LRP2: variants seen among roughly 807,000 people sequenced by gnomAD.
The protein encoded by LRP2 is LDL receptor related protein 2.
Under a neutral mutation model 531.0 loss-of-function variants are expected in LRP2, and 172 were observed. The ratio of observed to expected loss-of-function variants is 0.32; its 90% CI spans 0.29 to 0.37. LRP2 has a LOEUF of 0.37. LRP2 is among the 10% of genes least tolerant of loss of function. The pLI is 1.00. For missense variants in LRP2, 5,167 were observed against 5,868.3 expected (o/e 0.88, Z 3.90); for synonymous variants, 1,992 against 2,027.6 (o/e 0.98, Z 0.47).
intron 1 of LRP2, among the ~76,000 whole-genome samples, chr2:169,339,499 G>C (rs1464124661): frequency 1.3e-5 from 2 of 152,080 alleles, no homozygotes; most frequent in Non-Finnish European, 2.9e-5. Flanking sequence ...TTCTCTGGTT[G>C]ATACTAGCTG....
intron 47 of LRP2, among the ~76,000 whole-genome samples, chr2:169,193,428 C>CAAAAAAAAAAAAAAAAAAAAAA (rs1166288828): frequency 1.6e-5 from 1 of 62,292 alleles, no homozygotes; most frequent in African/African-American, 5.0e-5. Context: ...AAGACCTTGT[C>CAAAAAAAAAAAAAAAAAAAAAA]AAAAAAAAAA....
intron 34 of LRP2, among the ~76,000 whole-genome samples, chr2:169,219,313 A>G (rs1321266546): frequency 6.6e-6 from 1 of 152,190 alleles, no homozygotes; most frequent in Non-Finnish European, 1.5e-5. Context: ...CATTAAGCCA[A>G]AATCCACTTG....
chr2:169,170,757 C>T, intron 58 of LRP2, 90 bp from the exon 59 acceptor site: 2 of 890,028 alleles, frequency 2.2e-6, no homozygotes, highest in Non-Finnish European at 1.9e-6. Context: ...CCTGGGTGCC[C>T]AGCACCCTCC....
chr2:169,180,431 T>C (rs2105292683), intron 52 of LRP2, among the ~76,000 whole-genome samples: 1 of 152,374 alleles, frequency 6.6e-6, no homozygotes, highest in South Asian at 2.1e-4. Flanking sequence ...CGGTAAATTC[T>C]GCAATGAGAA....
At chr2:169,348,507 C>A (rs911519416) in intron 1 of LRP2, among the ~76,000 whole-genome samples, 1 of 152,218 alleles carries the variant, frequency 6.6e-6, no homozygotes, top group Non-Finnish European at 1.5e-5. Context: ...CCACTCCCCT[C>A]TTCAAAGAGG....
At chr2:169,262,041 A>C (rs1300744596) in intron 16 of LRP2, among the ~76,000 whole-genome samples, 1 of 152,070 alleles carries the variant, frequency 6.6e-6, no homozygotes, top group South Asian at 2.1e-4. Flanking sequence ...ACAAAAGTCA[A>C]CAACCCTTCA....
intron 16 of LRP2, among the ~76,000 whole-genome samples, chr2:169,259,848 A>G (rs1466510298): frequency 2.0e-5 from 3 of 152,052 alleles, no homozygotes; most frequent in African/African-American, 4.8e-5. Flanking sequence ...ATAAACAGCC[A>G]TACCTCTTTC....
intron 9 of LRP2, among the ~76,000 whole-genome samples, chr2:169,288,571 CT>C (rs5836228): frequency 0.44 from 66,699 of 151,878 alleles, 15,113 homozygotes; most frequent in African/African-American, 0.53. Context: ...CAGGTAACAA[CT>C]CTTTAGTTGT....
intron 34 of LRP2, among the ~76,000 whole-genome samples, chr2:169,220,044 G>A (rs1300873912): frequency 1.3e-5 from 2 of 152,106 alleles, no homozygotes; most frequent in Non-Finnish European, 2.9e-5. Flanking sequence ...GGCCTCAAGA[G>A]TCACTGCCTG....
chr2:169,154,603 C>T lies in LRP2; in HGVS notation c.12152G>A (p.Gly4051Asp). ...DRPGKRCAAE[G>D]SSPLLLLPDN... ...AGGCAGTAGCAACAAAGGAGAGCTA[C>T]CTGTAAACAAACAAAGGGCTACTTT... Residue 4051 changes from glycine to aspartate, a missense_variant and splice_region_variant, in exon 66 of 79, where the codon GGT (glycine) becomes GAT (aspartate). Gly to Asp is a moderately conservative substitution (Grantham distance 94, BLOSUM62 -1). Coordinates refer to ENST00000649046, the MANE Select transcript of LRP2 (RefSeq NM_004525.3). 6.2e-7 allele frequency: 1 copy of T among 1,613,356 alleles called. No homozygotes were observed. The highest frequency in any genetic ancestry group is 1.7e-4 in the Middle Eastern group (1 of 6,056).
At chr2:169,265,307 G>A (rs926302986) in intron 16 of LRP2, among the ~76,000 whole-genome samples, 1 of 152,008 alleles carries the variant, frequency 6.6e-6, no homozygotes. Context: ...GAGCAATCTG[G>A]CAACCAAGCC....
At chr2:169,257,809 C>CAA (rs777633269) in intron 17 of LRP2, among the ~76,000 whole-genome samples, 1 of 68,860 alleles carries the variant, frequency 1.5e-5, no homozygotes, top group African/African-American at 5.3e-5. Context: ...AGTCTAGAGG[C>CAA]AAAAAAAAAC....
intron 48 of LRP2, 116 bp downstream of exon 48, chr2:169,191,716 C>T: frequency 1.3e-6 from 1 of 795,962 alleles, no homozygotes; most frequent in African/African-American, 1.7e-5. Flanking sequence ...TTTCATAAGC[C>T]ACTAAAAGCA....
intron 34 of LRP2, among the ~76,000 whole-genome samples, chr2:169,218,003 A>G (rs1253547089): frequency 6.6e-6 from 1 of 152,088 alleles, no homozygotes; most frequent in African/African-American, 2.4e-5. Flanking sequence ...TCTATTCAAC[A>G]TCCTCTCTTG....
At chr2:169,345,751 G>A (rs1255176731) in intron 1 of LRP2, among the ~76,000 whole-genome samples, 2 of 117,768 alleles carry the variant, frequency 1.7e-5, no homozygotes, top group Admixed American at 7.8e-5. Flanking sequence ...AAGAGGGGGC[G>A]GTCAAAAAAA....
At position 169,204,261 on chromosome 2, in the gene LRP2, C is replaced by G; in HGVS notation, c.7726G>C (p.Glu2576Gln). ...YWVDASLQRI[E>Q]RSTLTGVDRE... ...TCCACGCCCGTCAGAGTGCTGCGTT[C>G]AATCCTCTGCCTAAAATGAAGCAAA... is the stretch of plus-strand genomic sequence containing the variant. Residue 2576 changes from glutamate to glutamine, a missense_variant, in exon 42 of 79, where the codon GAA becomes CAA. Around this residue, in one of 6 missense-constraint regions of LRP2, gnomAD observed 1,129 missense variants for 1,362.7 expected, o/e 0.83. Coordinates refer to ENST00000649046, the MANE Select transcript of LRP2 (RefSeq NM_004525.3). 6.2e-7 allele frequency: 1 copy of G among 1,612,776 alleles called. No individual in the cohort carries two copies.
At chr2:169,302,557 A>C (rs1176501749) in intron 4 of LRP2, among the ~76,000 whole-genome samples, 3 of 152,154 alleles carry the variant, frequency 2.0e-5, no homozygotes, top group Non-Finnish European at 2.9e-5. Context: ...ACTGTTAGAC[A>C]TTCTACAATG....
intron 57 of LRP2, 88 bp downstream of exon 57, chr2:169,173,008 A>C: frequency 3.0e-5 from 44 of 1,444,952 alleles, no homozygotes; most frequent in Non-Finnish European, 3.9e-5. Context: ...ATGACATGGG[A>C]AATACACTCT....
intron 31 of LRP2, among the ~76,000 whole-genome samples, chr2:169,229,262 C>G (rs558019343): frequency 6.6e-6 from 1 of 152,282 alleles, no homozygotes; most frequent in East Asian, 1.9e-4. Context: ...CTCTTCATTT[C>G]TATTTTCCAT....
Sources: allele counts gnomAD v4.1 joint callset (sites outside exome capture counted in the v4.1 genomes callset), GRCh38; gene constraint gnomAD v4.1.1; regional missense constraint gnomAD v4.1.1; transcripts MANE v1.5; gene names NCBI Gene and HGNC (gene_info 2026-07-23, HGNC 2026-07-21).